CD5L: variants seen among roughly 807,000 people sequenced by gnomAD.
CD5L encodes the protein CD5 antigen-like.
Under a neutral mutation model 40.8 loss-of-function variants are expected in CD5L, and 39 were observed. That is an observed-to-expected ratio of 0.96 (90% CI 0.74 to 1.25). CD5L has a LOEUF of 1.25. CD5L is among the 50% of genes most tolerant of loss of function. The pLI is 0.00. For missense variants in CD5L, 433 were observed against 435.9 expected, an observed-to-expected ratio of 0.99 and a Z score of 0.06; for synonymous variants, 192 against 169.6, an observed-to-expected ratio of 1.13 and a Z score of -1.03.
intron 4 of CD5L, among the ~76,000 whole-genome samples, chr1:157,833,811 A>G (rs1656116561): frequency 7.6e-6 from 1 of 131,266 alleles, no homozygotes; most frequent in East Asian, 2.2e-4. Flanking sequence ...GGTTTTCCAT[A>G]TGTTGCTCAG....
Position 157,833,207 on chromosome 1 carries a change from C to A in CD5L, c.1024G>T (p.Ala342Ser), listed in dbSNP as rs201528005. 4.3e-6 allele frequency: 7 copies of A among 1,613,056 alleles called. No individual in the cohort carries two copies. The highest frequency in any genetic ancestry group is 5.9e-6 in the Non-Finnish European group (7 of 1,179,392). ...FHDCTHQEDV[A>S]VICSG ...TAGGACTCACCTGAGCAGATGACAG[C>A]CACATCTTCCTGGTGGGTGCAGTCG... Residue 342 changes from alanine to serine, a missense_variant, in exon 5 of 6, where the codon GCT (alanine) becomes TCT (serine). Ala to Ser is a moderately conservative substitution (Grantham distance 99). Coordinates refer to ENST00000368174, the MANE Select transcript of CD5L (RefSeq NM_005894.3).
At chr1:157,836,770 G>A (rs991578419) in intron 2 of CD5L, among the ~76,000 whole-genome samples, 9 of 152,174 alleles carry the variant, frequency 5.9e-5, no homozygotes, top group Non-Finnish European at 1.0e-4. Flanking sequence ...CTATGAAATT[G>A]TTCCTTGTTC....
At chr1:157,829,571 C>T (rs1655992095), downstream of CD5L, among the ~76,000 whole-genome samples, 2 of 150,862 alleles carry the variant, frequency 1.3e-5, no homozygotes, top group Admixed American at 7.1e-5. Context: ...AGAAATAGGC[C>T]TCTGTTTATA....
downstream of CD5L, among the ~76,000 whole-genome samples, chr1:157,828,387 C>T (rs188291037): frequency 2.0e-5 from 3 of 152,294 alleles, no homozygotes; most frequent in Non-Finnish European, 4.4e-5. Flanking sequence ...GTCTTCTACA[C>T]CTGTGATGGA....
At chr1:157,834,821 A>C in intron 3 of CD5L, 73 bp from the exon 4 acceptor site, 1 of 1,150,068 alleles carries the variant, frequency 8.7e-7, no homozygotes, top group South Asian at 1.4e-5. Context: ...GGCCCAATGG[A>C]CACATCTCAC....
At chr1:157,837,431 T>G (rs1178222957) in intron 2 of CD5L, among the ~76,000 whole-genome samples, 2 of 152,288 alleles carry the variant, frequency 1.3e-5, no homozygotes. Context: ...GAAGCTTATA[T>G]TAAGCTTGGC....
rs542232101 is a variant in CD5L, at chr1:157,833,184, G to A, written c.1039+8C>T. ...CCAGCCCTTATGAACTCCATCTGTAGGACTCACCTGAGCAGATGACAGCCA... is the reference window on the plus strand; with the variant it reads ...CCAGCCCTTATGAACTCCATCTGTAAGACTCACCTGAGCAGATGACAGCCA... On this transcript the variant is annotated splice_region_variant and intron_variant, in intron 5 of 5. Transcript: ENST00000368174. 6.2e-7 allele frequency: 1 copy of A among 1,604,134 alleles called. No homozygotes were observed. The highest frequency in any genetic ancestry group is 2.2e-5 in the East Asian group (1 of 44,784).
At position 157,835,785 on chromosome 1, in the gene CD5L, G is replaced by T. The variant is rs752110683; in HGVS notation, c.376+50C>A. The stretch of plus-strand genomic sequence containing the variant: ...GGAATGAAGACCAACAAGAGTGGCC[G>T]TGAGGGGTATGGCAGCTGGCAAGTG... On this transcript the variant is annotated intron_variant, in intron 3 of 5. Coordinates refer to ENST00000368174, the MANE Select transcript of CD5L (RefSeq NM_005894.3). 1.1e-5 allele frequency: 16 copies of T among 1,481,564 alleles called. No homozygotes were observed. The South Asian group carries it at 1.7e-4, about 16-fold the overall frequency. The allele number at this position is 1,481,564 out of a possible 1,614,324, so 91.8% of individuals were successfully genotyped here. A position where few individuals can be genotyped will look rare whatever the true frequency, so the allele number is the denominator to read the frequency against.
rs966697285 is a variant in CD5L at position 157,833,122 on chromosome 1, A to AC, written c.1039+69dup. The AC allele has an allele frequency of 6.6e-6, 8 of 1,212,874 alleles. No homozygotes were observed. In the East Asian group the frequency reaches 1.6e-4, roughly 25 times the overall value. The allele number at this position is 1,212,874 out of a possible 1,614,324, so 75.1% of individuals were successfully genotyped here. A position where few individuals can be genotyped will look rare whatever the true frequency, so the allele number is the denominator to read the frequency against. On this transcript the variant is annotated intron_variant, in intron 5 of 5. Transcript: ENST00000368174. ...GAAAATACCCTTTTCCCCAGAGTAC[A>AC]CCCCCATCATTTCCTCTTCCTTTAT... is the stretch of plus-strand genomic sequence containing the variant.
rs747673268 is a variant in CD5L, at chr1:157,833,279, C to T, written c.952G>A (p.Glu318Lys). The change falls in exon 5 of 6, where the codon GAG (glutamate) becomes AAG (lysine). Residue 318 changes from glutamate to lysine, a missense_variant. Coordinates refer to ENST00000368174, the MANE Select transcript of CD5L (RefSeq NM_005894.3). ...TGGCACTGCTCCAGGGACTGCTCCT[C>T]CCCTGAGCAACGAACATTATCCAGC... ...IWLDNVRCSG[E>K]EQSLEQCQHR... The T allele has an allele frequency of 1.7e-5, 27 of 1,614,188 alleles. No individual in the cohort carries two copies. Among genetic ancestry groups the T allele is most frequent in the East Asian group, 2.2e-5 (1 of 44,880 alleles).
chr1:157,833,515 G>T lies in CD5L; in HGVS notation c.719-3C>A. On this transcript the variant is annotated splice_region_variant and splice_polypyrimidine_tract_variant and intron_variant, in intron 4 of 5. Transcript: ENST00000368174. ...TACTAGTCTCAAGTCAAAGGGATCT[G>T]CAGGATGGGGGAGGAAGTCAGGGGT... 6.2e-7 allele frequency: 1 copy of T among 1,600,276 alleles called. No individual in the cohort carries two copies. The highest frequency in any genetic ancestry group is 2.2e-5 in the East Asian group (1 of 44,540).
chr1:157,827,110 A>G (rs1456675981), downstream of CD5L, among the ~76,000 whole-genome samples: 1 of 152,196 alleles, frequency 6.6e-6, no homozygotes, highest in African/African-American at 2.4e-5. Flanking sequence ...AAATAAAGTT[A>G]CCAGAATTTT....
chr1:157,840,309 G>A (rs1363546490), intron 1 of CD5L, among the ~76,000 whole-genome samples: 1 of 152,076 alleles, frequency 6.6e-6, no homozygotes, highest in African/African-American at 2.4e-5. Flanking sequence ...TCCTAATGCT[G>A]TAGAGAGTCC....
rs1178301674 is a variant in CD5L at position 157,831,214 on chromosome 1, A to AT, written c.*749dup. The AT allele has an allele frequency of 2.0e-6, 2 of 985,302 alleles. No homozygotes were observed. Among genetic ancestry groups the AT allele is most frequent in the Admixed American group, 1.2e-4 (2 of 16,290 alleles). 61.0% of individuals were successfully genotyped at this position (985,302 alleles called of 1,614,324 possible). ...TTTTTCTTTGAATAAAGTAAAATGT[A>AT]TTTTTGACATTCCTCTCATTAAATG... is the stretch of plus-strand genomic sequence containing the variant. On this transcript the variant is annotated 3_prime_UTR_variant, in exon 6 of 6. Coordinates refer to ENST00000368174, the MANE Select transcript of CD5L (RefSeq NM_005894.3).
At chr1:157,835,715 G>T (rs916009691) in intron 3 of CD5L, 120 bp downstream of exon 3, 5 of 757,716 alleles carry the variant, frequency 6.6e-6, no homozygotes, top group South Asian at 1.7e-5. Flanking sequence ...TATGAGATGT[G>T]GGGGGTGAGG....
At position 157,834,720 on chromosome 1, in the gene CD5L, T is replaced by C; in HGVS notation, c.405A>G (p.Pro135=). The C allele has an allele frequency of 3.7e-6, 6 of 1,613,994 alleles. No individual in the cohort carries two copies. Among genetic ancestry groups the C allele is most frequent in the Non-Finnish European group, 5.1e-6 (6 of 1,179,866 alleles). The change falls in exon 4 of 6, where the codon CCA becomes CCG. Residue 135 remains proline (P), a synonymous_variant. Transcript: ENST00000368174. ...ENPESSFSPV[P]EGVRLADGPG... ...GGCCGTCAGCCAGCCTGACACCCTCTGGGACTGGGGAGAAAGAGCTCTCTG... is the reference window on the plus strand; with the variant it reads ...GGCCGTCAGCCAGCCTGACACCCTCCGGGACTGGGGAGAAAGAGCTCTCTG...
In CD5L at chr1:157,836,051, C is replaced by A. The variant is rs777300016; in HGVS notation, c.160G>T (p.Asp54Tyr). Residue 54 changes from aspartate to tyrosine, a missense_variant, in exon 3 of 6, where the codon GAC (aspartate) becomes TAC (tyrosine). Coordinates refer to ENST00000368174, the MANE Select transcript of CD5L (RefSeq NM_005894.3). ...QWGTVCDDGW[D>Y]IKDVAVLCRE... Reference sequence around the variant, plus strand: ...CACAACACAGCCACGTCCTTAATGTCCCAGCCGTCATCACACACGGTGCCC... The same window carrying A: ...CACAACACAGCCACGTCCTTAATGTACCAGCCGTCATCACACACGGTGCCC... 41 of 1,614,046 alleles carry A rather than the reference C, an allele frequency of 2.5e-5. 1 individual carries two copies. The South Asian group carries it at 4.5e-4, about 18-fold the overall frequency.
In CD5L at chr1:157,841,115, T is replaced by C. The variant is rs542274312; in HGVS notation, c.28+559A>G. ...ATGAGAGAGCAAAATTTCAGAGAGG[T>C]ATGGTAACCTACGAATTCACACCGC... On this transcript the variant is annotated intron_variant, in intron 1 of 5. Coordinates refer to ENST00000368174, the MANE Select transcript of CD5L (RefSeq NM_005894.3). Among the ~76,000 whole-genome samples the C allele has an allele frequency of 5.9e-5, 9 of 152,136 alleles. No homozygotes were observed. In the East Asian group the frequency reaches 1.7e-3, roughly 29 times the overall value.
Position 157,833,342 on chromosome 1 carries a change from C to G in CD5L, c.889G>C (p.Asp297His). ...CGKSLSPSFRDRKCYGPGVGR... is the reference protein window; with the variant it reads ...CGKSLSPSFRHRKCYGPGVGR... ...ACCCCAGGGCCATAGCATTTCCGGT[C>G]TCTGAAGGAGGGAGAGAGGGACTTC... Residue 297 changes from aspartate to histidine, a missense_variant, in exon 5 of 6, where the codon GAC (aspartate) becomes CAC (histidine). By Grantham distance (81) the Asp-to-His change is moderately conservative (BLOSUM62 -1). Coordinates refer to ENST00000368174, the MANE Select transcript of CD5L (RefSeq NM_005894.3). 2 of 1,614,208 alleles carry G rather than the reference C, an allele frequency of 1.2e-6. No homozygotes were observed. The highest frequency in any genetic ancestry group is 1.7e-6 in the Non-Finnish European group (2 of 1,180,044).
Sources: allele counts gnomAD v4.1 joint callset (sites outside exome capture counted in the v4.1 genomes callset), GRCh38; gene constraint gnomAD v4.1.1; transcripts MANE v1.5; gene names NCBI Gene and HGNC (gene_info 2026-07-23, HGNC 2026-07-21).